NIPAL2: variants seen among roughly 807,000 people sequenced by gnomAD.
The protein encoded by NIPAL2 is NIPA like domain containing 2, also known as NIPA-like protein 2.
In NIPAL2, 43 loss-of-function variants were observed where a neutral mutation model predicts 48.9. That is an observed-to-expected ratio of 0.88 (90% CI 0.69 to 1.13). The LOEUF is 1.13. Ranked by LOEUF, NIPAL2 falls within the 50% of genes most tolerant of loss-of-function variation. The probability of loss-of-function intolerance (pLI) is 0.00; values close to 1 mark genes in which losing one functional copy is unlikely to be tolerated. For synonymous variants in NIPAL2, 167 were observed against 174.6 expected, an observed-to-expected ratio of 0.96 and a Z score of 0.34; for missense variants, 446 against 461.4, an observed-to-expected ratio of 0.97 and a Z score of 0.31.
chr8:98,240,174 A>G (rs902293436), intron 3 of NIPAL2, among the ~76,000 whole-genome samples: 1 of 152,242 alleles, frequency 6.6e-6, no homozygotes, highest in Admixed American at 6.5e-5. Flanking sequence ...CTGGATATTT[A>G]CTTAAGCAAT....
At chr8:98,194,286 A>C (rs1810441284) in intron 10 of NIPAL2, among the ~76,000 whole-genome samples, 1 of 151,920 alleles carries the variant, frequency 6.6e-6, no homozygotes, top group Non-Finnish European at 1.5e-5. Context: ...GGAAGAAACT[A>C]CTCATGTTTT....
intron 5 of NIPAL2, chr8:98,216,964 G>T: frequency 2.7e-6 from 2 of 738,862 alleles, no homozygotes; most frequent in Non-Finnish European, 3.3e-6. Flanking sequence ...ATTCTTACAG[G>T]ACTTATAGCT....
chr8:98,262,306 A>G (rs1217200238), intron 1 of NIPAL2, among the ~76,000 whole-genome samples: 3 of 151,218 alleles, frequency 2.0e-5, no homozygotes, highest in African/African-American at 4.8e-5. Flanking sequence ...AATGGACTAA[A>G]TGCTCCAATT....
chr8:98,191,411 G>C lies in NIPAL2; in HGVS notation c.*1567C>G, dbSNP rs908789555. ...ACGATGGCGGGAATTATTACCAGGA[G>C]TTTAGGAGCCAGACATGGGTTCTGT... On this transcript the variant is annotated 3_prime_UTR_variant, in exon 11 of 11. Transcript: ENST00000430223. 3.9e-5 allele frequency: 6 copies of C among 152,162 alleles called. No homozygotes were observed. The highest frequency in any genetic ancestry group is 1.4e-4 in the African/African-American group (6 of 41,428). 9.4% of individuals were successfully genotyped at this position (152,162 alleles called of 1,614,324 possible).
intron 3 of NIPAL2, among the ~76,000 whole-genome samples, chr8:98,237,269 G>T (rs1455139212): frequency 6.6e-6 from 1 of 151,886 alleles, no homozygotes; most frequent in African/African-American, 2.4e-5. Context: ...CCAGGCTGGT[G>T]TCAAACTCCT....
intron 8 of NIPAL2, 140 bp downstream of exon 8, chr8:98,202,968 A>G (rs957490660): frequency 3.0e-6 from 2 of 664,030 alleles, no homozygotes; most frequent in African/African-American, 3.6e-5. Flanking sequence ...CTCCTGGAAG[A>G]TTGTCATAGG....
intron 5 of NIPAL2, among the ~76,000 whole-genome samples, chr8:98,221,106 G>C (rs578247487): frequency 1.3e-5 from 2 of 151,270 alleles, no homozygotes; most frequent in Non-Finnish European, 2.9e-5. Context: ...CTCCCGAGTA[G>C]CTGGGTTTAC....
In NIPAL2 at chr8:98,194,736, T is replaced by C. The variant is rs781445401; in HGVS notation, c.1031A>G (p.Asn344Ser). ...AGAATATATGATTTTACCAGGAATA[T>C]TTCCAAAATCAATATAAGACTGTTG... ...HLQQSYIDFG[N>S]IPGKQMLDKI... The change falls in exon 10 of 11, where the codon AAT becomes AGT. Residue 344 changes from asparagine to serine, a missense_variant. By Grantham distance (46) the Asn-to-Ser change is conservative (BLOSUM62 1). Coordinates refer to ENST00000430223, the MANE Select transcript of NIPAL2 (RefSeq NM_001321635.2). The C allele has an allele frequency of 2.6e-6, 4 of 1,541,442 alleles. No homozygotes were observed. In the East Asian group the frequency reaches 6.9e-5, roughly 27 times the overall value.
intron 6 of NIPAL2, among the ~76,000 whole-genome samples, chr8:98,208,261 C>T (rs1356868094): frequency 6.6e-6 from 1 of 151,982 alleles, no homozygotes; most frequent in Non-Finnish European, 1.5e-5. Context: ...GAAATTTGGC[C>T]CTCTCAATTC....
chr8:98,208,778 T>C (rs1181527443), intron 6 of NIPAL2, among the ~76,000 whole-genome samples: 1 of 152,144 alleles, frequency 6.6e-6, no homozygotes, highest in Non-Finnish European at 1.5e-5. Flanking sequence ...TCACCACTAC[T>C]GGCAAAGTGG....
intron 4 of NIPAL2, among the ~76,000 whole-genome samples, chr8:98,232,311 G>C (rs1173680116): frequency 1.3e-5 from 2 of 152,122 alleles, no homozygotes; most frequent in Non-Finnish European, 2.9e-5. Flanking sequence ...TGACTTATGA[G>C]TTACATAGCC....
chr8:98,219,665 A>G (rs767866479), intron 5 of NIPAL2, among the ~76,000 whole-genome samples: 3 of 152,082 alleles, frequency 2.0e-5, no homozygotes, highest in Admixed American at 6.5e-5. Flanking sequence ...CTACGTTCCC[A>G]TTCCTGTTGC....
chr8:98,251,402 T>G (rs1407078866), intron 3 of NIPAL2, among the ~76,000 whole-genome samples: 1 of 152,146 alleles, frequency 6.6e-6, no homozygotes, highest in Non-Finnish European at 1.5e-5. Context: ...GAAAGTGAGG[T>G]TTACCCAATT....
At chr8:98,199,500 C>T (rs1363163783) in intron 8 of NIPAL2, among the ~76,000 whole-genome samples, 2 of 151,412 alleles carry the variant, frequency 1.3e-5, no homozygotes, top group Non-Finnish European at 2.9e-5. Flanking sequence ...ATAAGGAGGC[C>T]CAAGGGGAAG....
In NIPAL2 at chr8:98,252,695, T is replaced by C. The variant is rs1263625760; in HGVS notation, c.205-61A>G. 2.7e-6 allele frequency: 4 copies of C among 1,456,212 alleles called. No individual in the cohort carries two copies. The Admixed American group carries it at 7.5e-5, about 27-fold the overall frequency. 90.2% of individuals were successfully genotyped at this position (1,456,212 alleles called of 1,614,324 possible). A position where few individuals can be genotyped will look rare whatever the true frequency, so the allele number is the denominator to read the frequency against. ...CTGAGCTATGAGGGGAATGCCACTT[T>C]TTTTCTTTTGTATTCCTTTAATTCT... On this transcript the variant is annotated intron_variant, in intron 2 of 10. Coordinates refer to ENST00000430223, the MANE Select transcript of NIPAL2 (RefSeq NM_001321635.2).
At chr8:98,195,764 C>A in intron 9 of NIPAL2, 178 bp downstream of exon 9, 1 of 490,738 alleles carries the variant, frequency 2.0e-6, no homozygotes. Flanking sequence ...AGTCACAAAG[C>A]CAAAGACGCT....
chr8:98,292,581 A>G (rs1816543893), intron 1 of NIPAL2, among the ~76,000 whole-genome samples: 1 of 152,214 alleles, frequency 6.6e-6, no homozygotes, highest in Admixed American at 6.5e-5. Flanking sequence ...CCTCACATTT[A>G]TGTCACATGA....
At position 98,293,929 on chromosome 8, in the gene NIPAL2, G is replaced by T. The variant is rs753632956; in HGVS notation, c.135+74C>A. 7.2e-4 allele frequency: 931 copies of T among 1,300,340 alleles called. 1 individual carries two copies. Among genetic ancestry groups the T allele is most frequent in the Non-Finnish European group, 8.7e-4 (881 of 1,011,144 alleles). The allele number at this position is 1,300,340 out of a possible 1,614,324, so 80.6% of individuals were successfully genotyped here. On this transcript the variant is annotated intron_variant, in intron 1 of 10. Transcript: ENST00000430223. ...GAGAGCTGGCAGGAAAGCGGCCGAG[G>T]CGCAGAGGCGCCCGGAGCCAGCCGC...
intron 1 of NIPAL2, among the ~76,000 whole-genome samples, chr8:98,282,397 T>A: frequency 6.6e-6 from 1 of 151,844 alleles, no homozygotes; most frequent in East Asian, 1.9e-4. Flanking sequence ...CTAGCTGCAG[T>A]GTGGAGGATG....
Sources: allele counts gnomAD v4.1 joint callset (sites outside exome capture counted in the v4.1 genomes callset), GRCh38; gene constraint gnomAD v4.1.1; transcripts MANE v1.5; gene names NCBI Gene and HGNC (gene_info 2026-07-23, HGNC 2026-07-21).